Variants in FAM117B observed in about 807,000 individuals in gnomAD.
FAM117B encodes the protein protein FAM117B.
Under a neutral mutation model 52.8 loss-of-function variants are expected in FAM117B, and 22 were observed. That is an observed-to-expected ratio of 0.42 (90% CI 0.30 to 0.59). The LOEUF (loss-of-function observed/expected upper bound fraction) is 0.59. Ranked by LOEUF, FAM117B falls within the 20% of genes least tolerant of loss-of-function variation. FAM117B has a pLI of 0.22. For missense variants in FAM117B, 678 were observed against 802.6 expected (o/e 0.84, Z 1.88); for synonymous variants, 309 against 324.1 (o/e 0.95, Z 0.50).
At chr2:202,757,588 G>A (rs1050246562) in intron 6 of FAM117B, 150 bp downstream of exon 6, 2 of 837,354 alleles carry the variant, frequency 2.4e-6, no homozygotes, top group Admixed American at 5.4e-5. Context: ...AGTGTAAACA[G>A]GTTTGACTGT....
intron 1 of FAM117B, among the ~76,000 whole-genome samples, chr2:202,666,918 T>C (rs1289166199): frequency 6.6e-6 from 1 of 151,824 alleles, no homozygotes; most frequent in Non-Finnish European, 1.5e-5. Context: ...GTGCTGGGAG[T>C]ACAGGTGTGA....
intron 1 of FAM117B, among the ~76,000 whole-genome samples, chr2:202,688,767 T>C (rs1465524877): frequency 6.6e-6 from 1 of 152,200 alleles, no homozygotes; most frequent in South Asian, 2.1e-4. Flanking sequence ...TATAGGTTTT[T>C]GCAAAATTTT....
intron 2 of FAM117B, among the ~76,000 whole-genome samples, chr2:202,697,188 T>C (rs1351482206): frequency 1.3e-5 from 2 of 152,222 alleles, no homozygotes; most frequent in Non-Finnish European, 2.9e-5. Context: ...TTTGGTGTAG[T>C]TTCTTACTTA....
chr2:202,765,406 C>A, intron 7 of FAM117B, 40 bp from the exon 8 acceptor site: 27 of 1,387,750 alleles, frequency 1.9e-5, no homozygotes, highest in South Asian at 4.5e-5. Flanking sequence ...TTTTTAAGTT[C>A]AGTGACTTAA....
chr2:202,646,479 G>A (rs1022677096), intron 1 of FAM117B, among the ~76,000 whole-genome samples: 9 of 152,122 alleles, frequency 5.9e-5, no homozygotes, highest in African/African-American at 2.2e-4. Flanking sequence ...AGAGACCTCA[G>A]TATCATGCCT....
intron 4 of FAM117B, among the ~76,000 whole-genome samples, chr2:202,749,442 T>TAA (rs34835866): frequency 2.0e-5 from 3 of 148,478 alleles, no homozygotes; most frequent in East Asian, 4.1e-4. Context: ...GGTATAATGT[T>TAA]AAAAAAAAAA....
intron 4 of FAM117B, among the ~76,000 whole-genome samples, chr2:202,748,167 G>A (rs1463083502): frequency 6.6e-6 from 1 of 152,140 alleles, no homozygotes; most frequent in Admixed American, 6.6e-5. Flanking sequence ...TCACAGAAGT[G>A]CTAAGAACAT....
Position 202,635,355 on chromosome 2 carries a change from GAGCGGC to G in FAM117B, c.169_174del (p.Ser57_Gly58del). 6 of 1,377,210 alleles carry G rather than the reference GAGCGGC, an allele frequency of 4.4e-6. No homozygotes were observed. The highest frequency in any genetic ancestry group is 5.6e-6 in the Non-Finnish European group (6 of 1,066,404). 85.3% of individuals were successfully genotyped at this position (1,377,210 alleles called of 1,614,324 possible). On this transcript the variant is annotated inframe_deletion, in exon 1 of 8. Coordinates refer to ENST00000392238, the MANE Select transcript of FAM117B (RefSeq NM_173511.4). ...AGCAGCAACATGGCAGCCCCACGCG[GAGCGGC>G]GGCGGCGGCGGCGGCAACAACAACG...
At chr2:202,754,591 T>C (rs949503452) in intron 4 of FAM117B, among the ~76,000 whole-genome samples, 2 of 151,770 alleles carry the variant, frequency 1.3e-5, no homozygotes, top group Non-Finnish European at 2.9e-5. Flanking sequence ...ACTGGGTAAT[T>C]TATAAAGAAA....
intron 1 of FAM117B, among the ~76,000 whole-genome samples, chr2:202,654,320 T>C (rs1369117278): frequency 6.6e-6 from 1 of 151,754 alleles, no homozygotes; most frequent in Non-Finnish European, 1.5e-5. Flanking sequence ...ATGCCTGACA[T>C]TTGTCTTTTG....
At chr2:202,698,943 G>A (rs1232118366) in intron 2 of FAM117B, among the ~76,000 whole-genome samples, 1 of 152,160 alleles carries the variant, frequency 6.6e-6, no homozygotes, top group Non-Finnish European at 1.5e-5. Flanking sequence ...AATGGGTTCA[G>A]ACATTTTGTC....
At chr2:202,708,016 C>T (rs987833063) in intron 2 of FAM117B, among the ~76,000 whole-genome samples, 3 of 152,062 alleles carry the variant, frequency 2.0e-5, no homozygotes, top group African/African-American at 4.8e-5. Flanking sequence ...GTGATCCACT[C>T]GCCTTGGCCT....
At chr2:202,696,904 CA>C (rs1690719726) in intron 2 of FAM117B, among the ~76,000 whole-genome samples, 1 of 151,818 alleles carries the variant, frequency 6.6e-6, no homozygotes, top group African/African-American at 2.4e-5. Context: ...CTCATCTCTG[CA>C]AAAAAATACA....
chr2:202,667,598 T>C (rs1690225671), intron 1 of FAM117B, among the ~76,000 whole-genome samples: 2 of 152,174 alleles, frequency 1.3e-5, no homozygotes, highest in African/African-American at 4.8e-5. Context: ...AATAACTGTG[T>C]CAAGGTATTC....
chr2:202,742,697 A>G (rs1691565633), intron 4 of FAM117B, among the ~76,000 whole-genome samples: 1 of 152,254 alleles, frequency 6.6e-6, no homozygotes. Context: ...TGTATGGCAG[A>G]AAACATTATA....
intron 2 of FAM117B, among the ~76,000 whole-genome samples, chr2:202,701,412 C>T (rs1422350886): frequency 1.3e-5 from 2 of 152,190 alleles, no homozygotes; most frequent in Admixed American, 6.5e-5. Context: ...GCTTTCATGC[C>T]TGCTAACACA....
At chr2:202,747,976 G>A (rs910316723) in intron 4 of FAM117B, among the ~76,000 whole-genome samples, 12 of 152,066 alleles carry the variant, frequency 7.9e-5, no homozygotes, top group Non-Finnish European at 1.5e-4. Flanking sequence ...CCTAAGATTT[G>A]AATGGAACCA....
At chr2:202,649,313 A>G (rs1282294342) in intron 1 of FAM117B, among the ~76,000 whole-genome samples, 1 of 152,020 alleles carries the variant, frequency 6.6e-6, no homozygotes, top group Non-Finnish European at 1.5e-5. Flanking sequence ...TGTCTTCCCT[A>G]TCTTCACTAT....
intron 2 of FAM117B, among the ~76,000 whole-genome samples, chr2:202,700,964 T>C (rs1404883472): frequency 6.6e-6 from 1 of 152,222 alleles, no homozygotes; most frequent in African/African-American, 2.4e-5. Flanking sequence ...CCTCCCAAAG[T>C]GTTGGGATCA....
Sources: gnomAD v4.1 joint callset for allele counts (sites outside exome capture counted in the v4.1 genomes callset) on GRCh38, gnomAD v4.1.1 for gene constraint, MANE v1.5 for transcripts, NCBI Gene and HGNC (gene_info 2026-07-23, HGNC 2026-07-21) for gene names.